The following PLEKHG5 variants were observed in gnomAD, a reference collection of about 807,000 sequenced individuals.
The protein encoded by PLEKHG5 is pleckstrin homology domain-containing family G member 5.
PLEKHG5 carries 52 observed loss-of-function variants against 103.8 expected under a neutral mutation model. That is an observed-to-expected ratio of 0.50 (90% CI 0.40 to 0.63). The LOEUF is 0.63. PLEKHG5 is among the 30% of genes least tolerant of loss of function. The pLI, the probability that PLEKHG5 is intolerant of heterozygous loss-of-function variation, is 0.00. For synonymous variants in PLEKHG5, 592 were observed against 575.5 expected (o/e 1.03, Z -0.41); for missense variants, 1,205 against 1,347.6 (o/e 0.89, Z 1.66).
intron 1 of PLEKHG5, among the ~76,000 whole-genome samples, chr1:6,512,219 C>T (rs1638493326): frequency 6.6e-6 from 1 of 152,184 alleles, no homozygotes; most frequent in African/African-American, 2.4e-5. Context: ...CCCTCCATAC[C>T]ATTGGCTCCT....
At chr1:6,494,488 T>A (rs776558071), upstream of PLEKHG5, among the ~76,000 whole-genome samples, 8 of 152,060 alleles carry the variant, frequency 5.3e-5, no homozygotes, top group Non-Finnish European at 1.0e-4. Context: ...GGCCTCAAAC[T>A]CCTGGGCTAA....
At position 6,467,423 on chromosome 1, in the gene PLEKHG5, C is replaced by T; in HGVS notation, c.*140G>A. The T allele has an allele frequency of 2.2e-6, 2 of 922,412 alleles. No individual in the cohort carries two copies. The highest frequency in any genetic ancestry group is 3.6e-6 in the Non-Finnish European group (2 of 556,734). 57.1% of individuals were successfully genotyped at this position (922,412 alleles called of 1,614,324 possible). A position where few individuals can be genotyped will look rare whatever the true frequency, so the allele number is the denominator to read the frequency against. Reference sequence around the variant, plus strand: ...CCAGTCCGGCAAAGCGCAAATCGGGCCCGGGCGTAGGCAGGGATCCTGCCC... The same window carrying T: ...CCAGTCCGGCAAAGCGCAAATCGGGTCCGGGCGTAGGCAGGGATCCTGCCC... On this transcript the variant is annotated 3_prime_UTR_variant, in exon 21 of 21. Coordinates refer to ENST00000377728, the MANE Select transcript of PLEKHG5 (RefSeq NM_020631.6).
At position 6,475,898 on chromosome 1, in the gene PLEKHG5, A is replaced by C. The variant is rs750347984; in HGVS notation, c.149+33T>G. ...CTGAGACCCAGCCGTGGGGCCCTCCAGGTATCTCTCTGCCCACTCATCCCT... is the reference window on the plus strand; with the variant it reads ...CTGAGACCCAGCCGTGGGGCCCTCCCGGTATCTCTCTGCCCACTCATCCCT... On this transcript the variant is annotated intron_variant, in intron 3 of 20. Transcript: ENST00000377728. The C allele has an allele frequency of 2.6e-6, 4 of 1,546,482 alleles. No homozygotes were observed. In the South Asian group the frequency reaches 4.5e-5, roughly 17 times the overall value.
At chr1:6,500,842 G>A (rs1645289015), upstream of PLEKHG5, among the ~76,000 whole-genome samples, 1 of 152,150 alleles carries the variant, frequency 6.6e-6, no homozygotes, top group Non-Finnish European at 1.5e-5. Context: ...CCCGTCGCAG[G>A]GAGACCAGGG....
intron 1 of PLEKHG5, among the ~76,000 whole-genome samples, chr1:6,518,143 A>G (rs886066635): frequency 2.0e-5 from 3 of 151,522 alleles, no homozygotes; most frequent in East Asian, 3.9e-4. Flanking sequence ...CATGTTAGCC[A>G]GGATGGTCTT....
At chr1:6,508,186 G>GGGA (rs377180395) in intron 1 of PLEKHG5, among the ~76,000 whole-genome samples, 1 of 151,482 alleles carries the variant, frequency 6.6e-6, no homozygotes. Flanking sequence ...GGTCACCTGG[G>GGGA]GCCCCACTCC....
chr1:6,477,155 C>CA (rs2148597345), intron 2 of PLEKHG5, among the ~76,000 whole-genome samples: 1 of 152,328 alleles, frequency 6.6e-6, no homozygotes, highest in South Asian at 2.1e-4. Context: ...ACCCCCACTC[C>CA]ACACTGCCTC....
chr1:6,509,938 C>G (rs757181636), intron 1 of PLEKHG5, among the ~76,000 whole-genome samples: 2 of 152,208 alleles, frequency 1.3e-5, no homozygotes, highest in Non-Finnish European at 2.9e-5. Context: ...CTCCCCGTCC[C>G]CAGGCAAGGC....
At chr1:6,479,745 G>A (rs1408839585) in intron 1 of PLEKHG5, among the ~76,000 whole-genome samples, 2 of 152,072 alleles carry the variant, frequency 1.3e-5, no homozygotes, top group African/African-American at 4.8e-5. Flanking sequence ...TTAGTAGCTG[G>A]GAATACTAGG....
At chr1:6,484,942 C>T (rs1266862746) in intron 1 of PLEKHG5, among the ~76,000 whole-genome samples, 1 of 152,152 alleles carries the variant, frequency 6.6e-6, no homozygotes, top group Non-Finnish European at 1.5e-5. Flanking sequence ...GGGCTGGGGC[C>T]AGAGGCACAA....
chr1:6,502,350 G>A, intron 1 of PLEKHG5, among the ~76,000 whole-genome samples: 1 of 152,284 alleles, frequency 6.6e-6, no homozygotes, highest in East Asian at 1.9e-4. Context: ...GGAGGGGCAT[G>A]GACCTTGGCC....
At chr1:6,504,823 C>T (rs1050512475) in intron 1 of PLEKHG5, among the ~76,000 whole-genome samples, 1 of 152,210 alleles carries the variant, frequency 6.6e-6, no homozygotes, top group Non-Finnish European at 1.5e-5. Flanking sequence ...CCTGCCTCGG[C>T]CTCCCAAAGT....
rs2148615298 is a variant in PLEKHG5 at position 6,486,149 on chromosome 1, A to AC, written c.-88+5487dup. Among the ~76,000 whole-genome samples, 1 of 141,978 alleles carries AC rather than the reference A, an allele frequency of 7.0e-6. No individual in the cohort carries two copies. Among genetic ancestry groups the AC allele is most frequent in the East Asian group, 2.1e-4 (1 of 4,708 alleles). 93.1% of individuals were successfully genotyped at this position (141,978 alleles called of 152,430 possible). ...TCCTCCCTTCCTCCTGGAGACCCCC[A>AC]CCCCCGCCTCGGAGCCTCAGCCCAG... is the stretch of plus-strand genomic sequence containing the variant. On this transcript the variant is annotated intron_variant, in intron 1 of 20. Coordinates refer to ENST00000377728, the MANE Select transcript of PLEKHG5 (RefSeq NM_020631.6). This position sits in a 1 kb window ranked among gnomAD's most constrained non-coding sequence, Gnocchi z 5.3.
rs1557738632 is a variant in PLEKHG5, at chr1:6,470,236, C to T, written c.1800G>A (p.Lys600=). Residue 600 remains lysine, a splice_region_variant and synonymous_variant, in exon 16 of 21, where the codon AAG becomes AAA. Transcript: ENST00000377728. ...AGGGGTGGGGTGGCCCTGGAATCAC[C>T]TTGCTGTCCTTCCCCTCCTTCATCC... ...SLRMKEGKDS[K]MDVYCFLFTD... is the part of the protein sequence containing the mutation. The T allele has an allele frequency of 6.2e-7, 1 of 1,613,930 alleles. No individual in the cohort carries two copies. The highest frequency in any genetic ancestry group is 8.5e-7 in the Non-Finnish European group (1 of 1,179,962).
chr1:6,473,517 G>T, intron 7 of PLEKHG5, 63 bp from the exon 8 acceptor site: 1 of 1,392,572 alleles, frequency 7.2e-7, no homozygotes, highest in Non-Finnish European at 9.5e-7. Flanking sequence ...CCACCCCAGG[G>T]CGGGTTTCCA....
intron 7 of PLEKHG5, among the ~76,000 whole-genome samples, chr1:6,473,736 C>T (rs935700264): frequency 2.6e-5 from 4 of 152,168 alleles, no homozygotes; most frequent in Admixed American, 2.6e-4. Flanking sequence ...TGGTCTGTAG[C>T]CCCAGGTACA....
At chr1:6,503,370 G>A (rs996748335) in intron 1 of PLEKHG5, among the ~76,000 whole-genome samples, 1 of 151,206 alleles carries the variant, frequency 6.6e-6, no homozygotes, top group African/African-American at 2.4e-5. Context: ...TCTCGCCACT[G>A]CACTCCAGCC....
Position 6,471,025 on chromosome 1 carries a change from G to C in PLEKHG5, c.1357C>G (p.Leu453Val). Residue 453 changes from leucine (L) to valine (V), a missense_variant, in exon 13 of 21, where the codon CTG becomes GTG. Transcript: ENST00000377728. The part of the protein sequence containing the change: ...EGCMEYMRGL[L>V]RDNDLFRAYI... Reference sequence around the variant, plus strand: ...GCCCGGAAGAGGTCGTTGTCGCGCAGCAGGCCGCGCATGTACTCCATGCAG... The same window carrying C: ...GCCCGGAAGAGGTCGTTGTCGCGCACCAGGCCGCGCATGTACTCCATGCAG... The C allele has an allele frequency of 6.2e-7, 1 of 1,606,330 alleles. No individual in the cohort carries two copies. Among genetic ancestry groups the C allele is most frequent in the Non-Finnish European group, 8.5e-7 (1 of 1,176,866 alleles).
upstream of PLEKHG5, chr1:6,497,183 G>A (rs1002197296): frequency 9.2e-6 from 8 of 869,604 alleles, no homozygotes; most frequent in East Asian, 2.7e-5. This position sits in a 1 kb window ranked among gnomAD's most constrained non-coding sequence, Gnocchi z 6.1. Flanking sequence ...TGGGGGCCGA[G>A]TTTGGGTACG....
Sources: allele counts gnomAD v4.1 joint callset (sites outside exome capture counted in the v4.1 genomes callset), GRCh38; gene constraint gnomAD v4.1.1; non-coding constraint Gnocchi (gnomAD v3.1); transcripts MANE v1.5; gene names NCBI Gene and HGNC (gene_info 2026-07-23, HGNC 2026-07-21).